Variants in CRYL1 observed in about 807,000 individuals in gnomAD.
CRYL1 encodes the protein lambda-crystallin homolog.
CRYL1 carries 29 observed loss-of-function variants against 36.6 expected under a neutral mutation model. That is an observed-to-expected ratio of 0.79 (90% CI 0.59 to 1.08). The LOEUF (loss-of-function observed/expected upper bound fraction) is 1.08, where lower values mean the gene tolerates loss of function less well. Among genes scored for constraint, CRYL1 ranks in the 50% least tolerant of loss-of-function variants. The pLI is 0.00. For missense variants in CRYL1, 411 were observed against 407.9 expected (o/e 1.01, Z -0.06); for synonymous variants, 152 against 151.5 (o/e 1.00, Z -0.02).
In CRYL1 at chr13:20,420,700, G is replaced by GTTTTTTTTTTTTTTTTTTTTT. The variant is rs5802072; in HGVS notation, c.634-7314_634-7313insAAAAAAAAAAAAAAAAAAAAA. On this transcript the variant is annotated intron_variant, in intron 5 of 7. Transcript: ENST00000298248. ...CCTTTGACTTTTCTTTAAAATAGAG[G>GTTTTTTTTTTTTTTTTTTTTT]TTGTGTGTGTGTGTGTGTGTGTGTG... 4.1e-3 allele frequency among the ~76,000 whole-genome samples: 149 copies of GTTTTTTTTTTTTTTTTTTTTT among 36,458 alleles called. 19 individuals are homozygous for GTTTTTTTTTTTTTTTTTTTTT. Among genetic ancestry groups the GTTTTTTTTTTTTTTTTTTTTT allele is most frequent in the Non-Finnish European group, 8.4e-3 (117 of 13,962 alleles). The allele number at this position is 36,458 out of a possible 152,430, so 23.9% of individuals were successfully genotyped here. A position where few individuals can be genotyped will look rare whatever the true frequency, so the allele number is the denominator to read the frequency against.
At chr13:20,519,997 G>A (rs1431692893) in intron 1 of CRYL1, among the ~76,000 whole-genome samples, 1 of 152,114 alleles carries the variant, frequency 6.6e-6, no homozygotes, top group African/African-American at 2.4e-5. Context: ...ATTTACAGAC[G>A]AAATGATTCA....
At position 20,439,572 on chromosome 13, in the gene CRYL1, C is replaced by T. The variant is rs990922509; in HGVS notation, c.438+21G>A. 7.5e-6 allele frequency: 11 copies of T among 1,472,836 alleles called. No homozygotes were observed. The African/African-American group carries it at 1.6e-4, about 21-fold the overall frequency. The allele number at this position is 1,472,836 out of a possible 1,614,324, so 91.2% of individuals were successfully genotyped here. On this transcript the variant is annotated intron_variant, in intron 4 of 7. Coordinates refer to ENST00000298248, the MANE Select transcript of CRYL1 (RefSeq NM_015974.3). ...AGAATGAGATGAGATACAATCAATC[C>T]TCTGGATTTAAAATACTCACAGGAT...
intron 5 of CRYL1, among the ~76,000 whole-genome samples, chr13:20,417,723 G>C (rs1038454077): frequency 6.6e-6 from 1 of 152,166 alleles, no homozygotes; most frequent in Non-Finnish European, 1.5e-5. Flanking sequence ...AGTAACACAT[G>C]CATAGCTGGG....
chr13:20,463,278 A>G (rs2032868583), intron 3 of CRYL1, among the ~76,000 whole-genome samples: 1 of 152,214 alleles, frequency 6.6e-6, no homozygotes, highest in Non-Finnish European at 1.5e-5. Context: ...TCCACCTCCA[A>G]GAGATGACCA....
chr13:20,459,715 G>A (rs1309450564), intron 3 of CRYL1, among the ~76,000 whole-genome samples: 1 of 152,154 alleles, frequency 6.6e-6, no homozygotes, highest in East Asian at 1.9e-4. Context: ...GGTGGGAGGA[G>A]GGTGAGGACT....
At chr13:20,420,701 T>TTTTTTTTTTTTTTTGTG in intron 5 of CRYL1, among the ~76,000 whole-genome samples, 402 of 21,840 alleles carry the variant, frequency 0.018, 52 homozygotes, top group Non-Finnish European at 0.041. Flanking sequence ...AAAATAGAGG[T>TTTTTTTTTTTTTTTGTG]TGTGTGTGTG....
At chr13:20,413,122 C>A (rs554149839) in intron 6 of CRYL1, among the ~76,000 whole-genome samples, 160 bp downstream of exon 6, 2 of 152,308 alleles carry the variant, frequency 1.3e-5, no homozygotes, top group South Asian at 4.2e-4. Flanking sequence ...CAGTACACAG[C>A]GTTTCGAATC....
At chr13:20,420,944 A>C (rs1278746628) in intron 5 of CRYL1, among the ~76,000 whole-genome samples, 1 of 152,058 alleles carries the variant, frequency 6.6e-6, no homozygotes, top group Non-Finnish European at 1.5e-5. Context: ...TGTGTTAGCC[A>C]GGATGGTCTC....
At chr13:20,431,371 G>C in intron 5 of CRYL1, 1 of 985,420 alleles carries the variant, frequency 1.0e-6, no homozygotes, top group Non-Finnish European at 1.2e-6. Flanking sequence ...TTGCAACACA[G>C]GCGTGGGCAG....
At chr13:20,503,481 G>C (rs1358432884) in intron 2 of CRYL1, among the ~76,000 whole-genome samples, 1 of 152,208 alleles carries the variant, frequency 6.6e-6, no homozygotes, top group Non-Finnish European at 1.5e-5. Context: ...CCGCTGACTA[G>C]GCTGGGCTGA....
At chr13:20,469,988 C>T (rs1331017184) in intron 3 of CRYL1, among the ~76,000 whole-genome samples, 6 of 152,182 alleles carry the variant, frequency 3.9e-5, no homozygotes, top group Admixed American at 2.6e-4. Context: ...GGACTAAGTT[C>T]GCTAATTTAC....
Position 20,415,945 on chromosome 13 carries a change from C to T in CRYL1, c.634-2558G>A, listed in dbSNP as rs2031651609. 6.6e-6 allele frequency among the ~76,000 whole-genome samples: 1 copy of T among 152,204 alleles called. No individual in the cohort carries two copies. The highest frequency in any genetic ancestry group is 1.5e-5 in the Non-Finnish European group (1 of 68,026). ...GATGCAGAGATATGAGTTTAGTCAT[C>T]CACCCTGCGGCCATGAGCCTTTGGC... On this transcript the variant is annotated intron_variant, in intron 5 of 7. Transcript: ENST00000298248. This position sits in a 1 kb window ranked among gnomAD's most constrained non-coding sequence, Gnocchi z 4.1.
intron 6 of CRYL1, among the ~76,000 whole-genome samples, chr13:20,410,083 C>T (rs1355140094): frequency 1.2e-4 from 18 of 151,946 alleles, no homozygotes; most frequent in African/African-American, 3.9e-4. Flanking sequence ...TACATGCACA[C>T]GTATGTTTAT....
At chr13:20,487,261 G>C (rs570751553) in intron 3 of CRYL1, among the ~76,000 whole-genome samples, 1 of 142,426 alleles carries the variant, frequency 7.0e-6, no homozygotes, top group East Asian at 2.0e-4. Flanking sequence ...AAAAAAAAAA[G>C]CACAGCAAGT....
At chr13:20,434,190 C>G (rs1381435230) in intron 4 of CRYL1, among the ~76,000 whole-genome samples, 1 of 152,220 alleles carries the variant, frequency 6.6e-6, no homozygotes, top group Non-Finnish European at 1.5e-5. Context: ...TCCCTAGCCC[C>G]TCTCACTTTC....
At chr13:20,460,674 C>T (rs562933109) in intron 3 of CRYL1, among the ~76,000 whole-genome samples, 2 of 151,870 alleles carry the variant, frequency 1.3e-5, no homozygotes, top group South Asian at 2.1e-4. Context: ...TACAGGCGCC[C>T]GCCACTACGC....
At chr13:20,490,930 GGAT>G in intron 2 of CRYL1, among the ~76,000 whole-genome samples, 1 of 151,662 alleles carries the variant, frequency 6.6e-6, no homozygotes, top group Non-Finnish European at 1.5e-5. Flanking sequence ...TTTTGAGACA[GGAT>G]CCTGCTCTGT....
chr13:20,444,934 TC>T (rs1183696451), intron 3 of CRYL1, among the ~76,000 whole-genome samples: 2 of 152,172 alleles, frequency 1.3e-5, no homozygotes, highest in Non-Finnish European at 2.9e-5. Context: ...GCCAGGCTGG[TC>T]TTGAACTCCT....
At chr13:20,478,111 G>A (rs971679139) in intron 3 of CRYL1, among the ~76,000 whole-genome samples, 3 of 151,562 alleles carry the variant, frequency 2.0e-5, no homozygotes, top group Non-Finnish European at 4.4e-5. Flanking sequence ...TAGAAAAAAT[G>A]ACTAGAAGCA....
Sources: gnomAD v4.1 joint callset for allele counts (sites outside exome capture counted in the v4.1 genomes callset) on GRCh38, gnomAD v4.1.1 for gene constraint, Gnocchi (gnomAD v3.1) non-coding constraint, MANE v1.5 for transcripts, NCBI Gene and HGNC (gene_info 2026-07-23, HGNC 2026-07-21) for gene names.